Variants in STIL observed in about 807,000 individuals in gnomAD.
The protein encoded by STIL is SCL-interrupting locus protein.
In STIL, 55 loss-of-function variants were observed where a neutral mutation model predicts 110.1. The ratio of observed to expected loss-of-function variants is 0.50; its 90% CI spans 0.40 to 0.63. The LOEUF is 0.63. Ranked by LOEUF, STIL falls within the 20% of genes least tolerant of loss-of-function variation. The pLI is 0.00. For missense variants in STIL, 1,358 were observed against 1,530.0 expected, an observed-to-expected ratio of 0.89 and a Z score of 1.87; for synonymous variants, 481 against 530.0, an observed-to-expected ratio of 0.91 and a Z score of 1.27.
intron 16 of STIL, among the ~76,000 whole-genome samples, chr1:47,259,057 G>A (rs1570021435): frequency 7.2e-6 from 1 of 138,252 alleles, no homozygotes; most frequent in South Asian, 2.3e-4. Flanking sequence ...CGCAATCTCG[G>A]CTCACTGCAA....
chr1:47,276,002 C>CTT (rs11481235), intron 12 of STIL, among the ~76,000 whole-genome samples: 121 of 146,872 alleles, frequency 8.2e-4, no homozygotes, highest in Non-Finnish European at 9.3e-4. Context: ...ATGACTCATA[C>CTT]TTTTTTTTTT....
At chr1:47,259,350 C>T (rs1222737151) in intron 16 of STIL, among the ~76,000 whole-genome samples, 3 of 117,848 alleles carry the variant, frequency 2.5e-5, no homozygotes, top group Admixed American at 1.1e-4. Context: ...AGTGCAGTGG[C>T]GCTATCTCGG....
At position 47,289,445 on chromosome 1, in the gene STIL, T is replaced by G. The variant is rs1645410491; in HGVS notation, c.1013A>C (p.His338Pro). The G allele has an allele frequency of 1.2e-6, 2 of 1,613,902 alleles. No homozygotes were observed. The highest frequency in any genetic ancestry group is 1.7e-6 in the Non-Finnish European group (2 of 1,179,852). ...FQLLTSKETL[H>P]LFKNVEPPDK... ...AATGAAATCACTTACTTTGAAAAGA[T>G]GTAATGTTTCCTTACTGGTTAGCAA... The change falls in exon 9 of 17, where the codon CAT (histidine) becomes CCT (proline). Residue 338 changes from histidine to proline, a missense_variant. Coordinates refer to ENST00000371877, the MANE Select transcript of STIL (RefSeq NM_001048166.1).
intron 12 of STIL, among the ~76,000 whole-genome samples, chr1:47,275,317 A>AT (rs879349718): frequency 8.4e-4 from 125 of 149,386 alleles, no homozygotes; most frequent in African/African-American, 2.2e-3. Flanking sequence ...TTTTAAAAAG[A>AT]TTTTTTTTTT....
intron 1 of STIL, among the ~76,000 whole-genome samples, chr1:47,311,924 GTAA>G (rs554728551): frequency 2.4e-4 from 37 of 152,072 alleles, no homozygotes; most frequent in African/African-American, 8.7e-4. Context: ...GTGCACACCT[GTAA>G]TCCCAGCTAG....
chr1:47,311,539 T>C (rs1312121507), intron 1 of STIL, among the ~76,000 whole-genome samples: 1 of 151,372 alleles, frequency 6.6e-6, no homozygotes, highest in Admixed American at 6.6e-5. Flanking sequence ...CATCAGCCTT[T>C]GCCTCAAAAA....
intron 16 of STIL, among the ~76,000 whole-genome samples, chr1:47,253,546 T>C (rs1393446393): frequency 6.6e-6 from 1 of 152,114 alleles, no homozygotes; most frequent in Non-Finnish European, 1.5e-5. Context: ...GGAATAGAGA[T>C]TTGAGCTATT....
At chr1:47,301,878 A>C (rs1015982487) in intron 4 of STIL, 130 bp from the exon 5 acceptor site, 1 of 829,530 alleles carries the variant, frequency 1.2e-6, no homozygotes, top group Non-Finnish European at 1.9e-6. Context: ...ATACTAAACT[A>C]AACTCTTACA....
At position 47,301,762 on chromosome 1, in the gene STIL, A is replaced by G. The variant is rs752080435; in HGVS notation, c.266-14T>C. ...CACCTTCTTCATCTGTAGAACAAAA[A>G]TAACAGCTATTATACAGCATACTAA... On this transcript the variant is annotated splice_polypyrimidine_tract_variant and intron_variant, in intron 4 of 16. Coordinates refer to ENST00000371877, the MANE Select transcript of STIL (RefSeq NM_001048166.1). 10 of 1,612,370 alleles carry G rather than the reference A, an allele frequency of 6.2e-6. No homozygotes were observed.
At position 47,282,430 on chromosome 1, in the gene STIL, A is replaced by G; in HGVS notation, c.1163T>C (p.Met388Thr). 1.2e-6 allele frequency: 2 copies of G among 1,613,112 alleles called. No individual in the cohort carries two copies. The highest frequency in any genetic ancestry group is 3.3e-5 in the Admixed American group (2 of 60,022). Residue 388 changes from methionine to threonine, a missense_variant, in exon 11 of 17, where the codon ATG (methionine) becomes ACG (threonine). Physicochemically the swap from Met to Thr is moderately conservative, Grantham distance 81. Transcript: ENST00000371877. ...ACCAGAGTCGTGATCATGTATTGGC[A>G]TCTTCCCAGAAGATAACTTTTGGGA... ...RSSQKLSSGK[M>T]PIHDHDSGVE... is the part of the protein sequence containing the mutation.
chr1:47,282,536 C>A lies in STIL; in HGVS notation c.1134-77G>T, dbSNP rs192024227. 1.7e-4 allele frequency: 150 copies of A among 867,996 alleles called. No homozygotes were observed. The Admixed American group carries it at 2.6e-3, about 15-fold the overall frequency. 53.8% of individuals were successfully genotyped at this position (867,996 alleles called of 1,614,324 possible). A position where few individuals can be genotyped will look rare whatever the true frequency, so the allele number is the denominator to read the frequency against. ...TTTCTTCTAGAAATTGAATAAAGTC[C>A]TTTAATAAGTTGCAGTAGTACTCAG... On this transcript the variant is annotated intron_variant, in intron 10 of 16. Transcript: ENST00000371877.
intron 3 of STIL, among the ~76,000 whole-genome samples, chr1:47,304,113 T>A (rs1177833895): frequency 6.6e-6 from 1 of 152,076 alleles, no homozygotes; most frequent in Non-Finnish European, 1.5e-5. Flanking sequence ...GAATCAGGAT[T>A]TGATTCCCTA....
At chr1:47,305,913 A>G (rs2149241611) in intron 2 of STIL, among the ~76,000 whole-genome samples, 1 of 148,882 alleles carries the variant, frequency 6.7e-6, no homozygotes, top group Admixed American at 6.7e-5. Context: ...TTGTATCTTT[A>G]GTAGAGACGG....
chr1:47,310,195 T>A (rs765886505), intron 2 of STIL, 81 bp downstream of exon 2: 7 of 1,377,674 alleles, frequency 5.1e-6, no homozygotes, highest in Non-Finnish European at 7.1e-6. Flanking sequence ...CTAAAGATTA[T>A]ATTCTTTTTT....
intron 6 of STIL, among the ~76,000 whole-genome samples, chr1:47,297,562 G>A (rs1313954176): frequency 2.0e-5 from 3 of 151,946 alleles, no homozygotes. Flanking sequence ...AAATATTAGG[G>A]TATATAAAGG....
intron 6 of STIL, among the ~76,000 whole-genome samples, chr1:47,297,383 C>T (rs2149152641): frequency 6.6e-6 from 1 of 151,896 alleles, no homozygotes; most frequent in Non-Finnish European, 1.5e-5. Flanking sequence ...TCCATGATTT[C>T]CCCAGGCATT....
intron 2 of STIL, among the ~76,000 whole-genome samples, chr1:47,308,379 C>G (rs1032007098): frequency 4.7e-5 from 7 of 147,450 alleles, no homozygotes; most frequent in Non-Finnish European, 1.0e-4. Flanking sequence ...GCAGGTCCCC[C>G]GATACTGTCT....
chr1:47,252,778 T>TACACACACACACACAC (rs3043070), intron 16 of STIL, among the ~76,000 whole-genome samples: 1 of 140,114 alleles, frequency 7.1e-6, no homozygotes, highest in Admixed American at 7.3e-5. Flanking sequence ...TATGGGCTTA[T>TACACACACACACACAC]ACACACACAC....
intron 14 of STIL, among the ~76,000 whole-genome samples, chr1:47,268,764 TAAA>T (rs1557719147): frequency 4.3e-4 from 65 of 149,482 alleles, no homozygotes; most frequent in Admixed American, 1.6e-3. Flanking sequence ...ATCTCATAAA[TAAA>T]TAAATAAATA....
Sources: allele counts gnomAD v4.1 joint callset (sites outside exome capture counted in the v4.1 genomes callset), GRCh38; gene constraint gnomAD v4.1.1; transcripts MANE v1.5; gene names NCBI Gene and HGNC (gene_info 2026-07-23, HGNC 2026-07-21).